The following AP1B1 variants were observed in gnomAD, a reference collection of about 807,000 sequenced individuals.
AP1B1 encodes the protein AP-1 complex subunit beta-1.
A neutral mutation model predicts 104.3 loss-of-function variants in AP1B1; 36 were observed. That is an observed-to-expected ratio of 0.35 (90% CI 0.26 to 0.46). The LOEUF is 0.46. AP1B1 is among the 20% of genes least tolerant of loss of function. The pLI, the probability that AP1B1 is intolerant of heterozygous loss-of-function variation, is 1.00. For missense variants in AP1B1, 901 were observed against 1,247.9 expected (o/e 0.72, Z 4.19); for synonymous variants, 504 against 517.5 (o/e 0.97, Z 0.35).
intron 1 of AP1B1, among the ~76,000 whole-genome samples, chr22:29,374,375 A>C (rs2062298494): frequency 6.6e-6 from 1 of 152,206 alleles, no homozygotes; most frequent in Non-Finnish European, 1.5e-5. Flanking sequence ...GCATGGCCAA[A>C]ACAATAAAAA....
intron 1 of AP1B1, among the ~76,000 whole-genome samples, chr22:29,368,939 C>T (rs2062186943): frequency 6.7e-6 from 1 of 150,072 alleles, no homozygotes; most frequent in African/African-American, 2.5e-5. Context: ...GCCCCACCCC[C>T]GCAAAAAAAA....
chr22:29,345,042 A>C (rs1442869242), intron 11 of AP1B1, among the ~76,000 whole-genome samples: 1 of 152,134 alleles, frequency 6.6e-6, no homozygotes, highest in Non-Finnish European at 1.5e-5. Context: ...AAAAACTCCA[A>C]ATCGTCAAGC....
At chr22:29,387,984 C>A (rs77131175) in intron 1 of AP1B1, among the ~76,000 whole-genome samples, 35 of 152,326 alleles carry the variant, frequency 2.3e-4, no homozygotes, top group Non-Finnish European at 4.4e-4. Context: ...CAGTGCCTAG[C>A]CGGAGGCGGG....
At chr22:29,353,535 G>A (rs777991489) in intron 7 of AP1B1, among the ~76,000 whole-genome samples, 4 of 152,204 alleles carry the variant, frequency 2.6e-5, no homozygotes, top group Non-Finnish European at 5.9e-5. Flanking sequence ...GGGCACTGGC[G>A]TATAAAGACC....
intron 6 of AP1B1, 89 bp from the exon 7 acceptor site, chr22:29,354,960 G>T: frequency 1.6e-6 from 2 of 1,212,598 alleles, no homozygotes; most frequent in Middle Eastern, 2.0e-4. Flanking sequence ...TCCAGGCCAG[G>T]CGTGATAGTT....
chr22:29,370,806 C>T (rs113737887), intron 1 of AP1B1: 1 of 152,182 alleles, frequency 6.6e-6, no homozygotes, highest in Non-Finnish European at 1.5e-5. Flanking sequence ...ACCCCAACAG[C>T]GCTGAGCTTT....
intron 5 of AP1B1, among the ~76,000 whole-genome samples, chr22:29,358,191 T>C (rs1284921253): frequency 1.3e-5 from 2 of 152,136 alleles, no homozygotes; most frequent in East Asian, 3.9e-4. Flanking sequence ...GCTGCCACCA[T>C]TGTGGGTAAG....
chr22:29,362,495 C>T (rs1421921629), intron 3 of AP1B1, among the ~76,000 whole-genome samples: 2 of 151,986 alleles, frequency 1.3e-5, no homozygotes, highest in East Asian at 1.9e-4. Flanking sequence ...TACAGGCATG[C>T]GCCACCATGC....
At chr22:29,342,223 C>T in intron 12 of AP1B1, 62 bp downstream of exon 12, 1 of 1,419,166 alleles carries the variant, frequency 7.0e-7, no homozygotes, top group South Asian at 1.2e-5. Flanking sequence ...GTTCCTGGGA[C>T]AAAAGTTCCC....
intron 11 of AP1B1, among the ~76,000 whole-genome samples, chr22:29,343,578 C>T (rs959905988): frequency 6.6e-6 from 1 of 152,240 alleles, no homozygotes; most frequent in South Asian, 2.1e-4. Context: ...AAGCCGTTTA[C>T]CCCCATCTGT....
chr22:29,381,510 A>G (rs1367556085), intron 1 of AP1B1, among the ~76,000 whole-genome samples: 1 of 152,196 alleles, frequency 6.6e-6, no homozygotes, highest in Non-Finnish European at 1.5e-5. Context: ...CCTCTGCTAG[A>G]GCAGCTTCTC....
At chr22:29,343,584 T>C (rs188845533) in intron 11 of AP1B1, among the ~76,000 whole-genome samples, 17 of 152,314 alleles carry the variant, frequency 1.1e-4, no homozygotes, top group Non-Finnish European at 5.9e-5. Flanking sequence ...TTTACCCCCA[T>C]CTGTAAAGGA....
intron 13 of AP1B1, 26 bp downstream of exon 13, chr22:29,341,475 C>A (rs1299341146): frequency 6.3e-7 from 1 of 1,599,406 alleles, no homozygotes; most frequent in African/African-American, 1.3e-5. Flanking sequence ...TGTGAAGGCG[C>A]AGGCCGACTG....
At chr22:29,377,273 C>T (rs1256130131) in intron 1 of AP1B1, among the ~76,000 whole-genome samples, 2 of 143,340 alleles carry the variant, frequency 1.4e-5, no homozygotes, top group Admixed American at 7.1e-5. Flanking sequence ...GACAGGGAAA[C>T]AGGTAAGGCC....
chr22:29,341,656 G>A lies in AP1B1; in HGVS notation c.1641C>T (p.Leu547=). Residue 547 remains leucine, a synonymous_variant, in exon 13 of 23, where the codon CTC becomes CTT. Transcript: ENST00000357586. ...CGATGAGGTCCGTCTCTTCAGAGAT[G>A]AGTGGCTTCTCAGCCAACACCACCT... ...AKEVVLAEKP[L]ISEETDLIEP... 1.2e-6 allele frequency: 2 copies of A among 1,614,232 alleles called. No individual in the cohort carries two copies. The highest frequency in any genetic ancestry group is 1.7e-6 in the Non-Finnish European group (2 of 1,180,036).
At position 29,328,916 on chromosome 22, in the gene AP1B1, G is replaced by A. The variant is rs749823451; in HGVS notation, c.2776-21C>T. The stretch of plus-strand genomic sequence containing the variant: ...GACAGCTGCAGGGGAGAGAGGGGTC[G>A]GGGGAAAGAGCGCTCATCCCTGGGG... On this transcript the variant is annotated intron_variant, in intron 22 of 22. Transcript: ENST00000357586. This position sits in a 1 kb window ranked among gnomAD's most constrained non-coding sequence, Gnocchi z 4.1. 133 of 1,600,172 alleles carry A rather than the reference G, an allele frequency of 8.3e-5. No individual in the cohort carries two copies. Among genetic ancestry groups the A allele is most frequent in the African/African-American group, 1.1e-4 (8 of 74,800 alleles).
chr22:29,334,642 G>A (rs2061611463), intron 16 of AP1B1, among the ~76,000 whole-genome samples: 1 of 152,216 alleles, frequency 6.6e-6, no homozygotes, highest in Non-Finnish European at 1.5e-5. Context: ...GCTCAGGGTG[G>A]GGAGGCACTT....
At chr22:29,354,395 C>T (rs1327165509) in intron 7 of AP1B1, among the ~76,000 whole-genome samples, 1 of 152,094 alleles carries the variant, frequency 6.6e-6, no homozygotes, top group African/African-American at 2.4e-5. Context: ...CTGTAGGATG[C>T]TGACCAGCAC....
intron 9 of AP1B1, 89 bp downstream of exon 9, chr22:29,351,082 A>G (rs1189072724): frequency 7.7e-7 from 1 of 1,307,182 alleles, no homozygotes; most frequent in Non-Finnish European, 1.1e-6. Flanking sequence ...ACCACAAGCA[A>G]GCTGGCAGAT....
Sources: allele counts gnomAD v4.1 joint callset (sites outside exome capture counted in the v4.1 genomes callset), GRCh38; gene constraint gnomAD v4.1.1; non-coding constraint Gnocchi (gnomAD v3.1); transcripts MANE v1.5; gene names NCBI Gene and HGNC (gene_info 2026-07-23, HGNC 2026-07-21).